The following NCOA1 variants were observed in gnomAD, a reference collection of about 807,000 sequenced individuals.
NCOA1 encodes the protein nuclear receptor coactivator 1.
Under a neutral mutation model 150.9 loss-of-function variants are expected in NCOA1, and 35 were observed. The ratio of observed to expected loss-of-function variants is 0.23; its 90% CI spans 0.18 to 0.31. NCOA1 has a LOEUF of 0.31. NCOA1 is among the 10% of genes least tolerant of loss of function. The probability of loss-of-function intolerance (pLI) is 1.00; values close to 1 mark genes in which losing one functional copy is unlikely to be tolerated. For synonymous variants in NCOA1, 590 were observed against 630.0 expected (o/e 0.94, Z 0.95); for missense variants, 1,491 against 1,749.3 (o/e 0.85, Z 2.63).
intron 2 of NCOA1, among the ~76,000 whole-genome samples, chr2:24,568,967 A>G (rs901034447): frequency 6.6e-6 from 1 of 152,192 alleles, no homozygotes; most frequent in African/African-American, 2.4e-5. Flanking sequence ...TTAAGCCATT[A>G]TAGCCTAGAA....
At chr2:24,679,140 C>G (rs1672049999) in intron 7 of NCOA1, among the ~76,000 whole-genome samples, 1 of 152,172 alleles carries the variant, frequency 6.6e-6, no homozygotes, top group Non-Finnish European at 1.5e-5. Context: ...TGGTCTTCTT[C>G]AAAGGATGAC....
chr2:24,737,969 AT>A (rs1165482516), intron 17 of NCOA1, among the ~76,000 whole-genome samples: 1 of 152,214 alleles, frequency 6.6e-6, no homozygotes, highest in Non-Finnish European at 1.5e-5. Context: ...CAGTTTTGGT[AT>A]TTAAGAGTCT....
chr2:24,649,899 G>T (rs967514292), intron 4 of NCOA1, among the ~76,000 whole-genome samples: 4 of 152,022 alleles, frequency 2.6e-5, no homozygotes, highest in Non-Finnish European at 4.4e-5. Flanking sequence ...CATTTAGAGG[G>T]CAAGTTACCA....
chr2:24,645,617 C>T (rs1670435393), intron 4 of NCOA1, among the ~76,000 whole-genome samples: 1 of 152,030 alleles, frequency 6.6e-6, no homozygotes, highest in Admixed American at 6.5e-5. Context: ...GTTGAGTGCC[C>T]CATATCTGAA....
At chr2:24,722,889 C>G (rs868248951) in intron 14 of NCOA1, among the ~76,000 whole-genome samples, 3 of 147,346 alleles carry the variant, frequency 2.0e-5, no homozygotes, top group Non-Finnish European at 1.5e-5. Flanking sequence ...ACTTGGGGAG[C>G]TGAGACAGGA....
intron 1 of NCOA1, among the ~76,000 whole-genome samples, chr2:24,493,697 A>G (rs1189136367): frequency 6.6e-6 from 1 of 151,962 alleles, no homozygotes; most frequent in Admixed American, 6.6e-5. Context: ...TTCTGCGAAC[A>G]TTTGTTTTTG....
At chr2:24,571,705 A>G (rs72805227) in intron 2 of NCOA1, among the ~76,000 whole-genome samples, 6,584 of 152,182 alleles carry the variant, frequency 0.043, 240 homozygotes, top group East Asian at 0.2. Flanking sequence ...TTTATGTATA[A>G]TTTTGATTTT....
chr2:24,688,302 T>C (rs1672500991), intron 8 of NCOA1, among the ~76,000 whole-genome samples: 1 of 152,228 alleles, frequency 6.6e-6, no homozygotes, highest in African/African-American at 2.4e-5. Flanking sequence ...ATAGTAGTTC[T>C]GTTTAGCTCT....
intron 12 of NCOA1, 44 bp downstream of exon 12, chr2:24,705,277 C>T (rs1478420728): frequency 1.1e-5 from 18 of 1,584,328 alleles, no homozygotes; most frequent in South Asian, 4.5e-5. Context: ...AGCCAGTTCA[C>T]ATATCTCTTA....
chr2:24,617,872 TACACACAC>T (rs1384855934), intron 3 of NCOA1, among the ~76,000 whole-genome samples: 3 of 151,972 alleles, frequency 2.0e-5, no homozygotes, highest in South Asian at 4.2e-4. Context: ...AACTGTGATA[TACACACAC>T]ACGCACACAC....
chr2:24,744,808 T>C (rs1165578742), intron 19 of NCOA1, among the ~76,000 whole-genome samples: 1 of 152,242 alleles, frequency 6.6e-6, no homozygotes, highest in East Asian at 1.9e-4. Flanking sequence ...CTTTATGTAT[T>C]ATCTATGGCT....
intron 8 of NCOA1, among the ~76,000 whole-genome samples, chr2:24,688,472 G>T (rs1184736766): frequency 6.6e-6 from 1 of 152,146 alleles, no homozygotes; most frequent in Non-Finnish European, 1.5e-5. Flanking sequence ...GTATCTCATT[G>T]TGGTTTTGAT....
intron 11 of NCOA1, among the ~76,000 whole-genome samples, chr2:24,698,168 C>A (rs1232483565): frequency 6.6e-6 from 1 of 151,844 alleles, no homozygotes; most frequent in Non-Finnish European, 1.5e-5. Context: ...ATACGACAAC[C>A]CTAAAGATCA....
At chr2:24,597,474 T>C (rs552323967) in intron 3 of NCOA1, among the ~76,000 whole-genome samples, 1 of 150,940 alleles carries the variant, frequency 6.6e-6, no homozygotes, top group East Asian at 2.0e-4. Context: ...CCATAATCAA[T>C]GGGAGTATTG....
intron 1 of NCOA1, among the ~76,000 whole-genome samples, chr2:24,537,710 T>C (rs1198634444): frequency 6.6e-6 from 1 of 152,108 alleles, no homozygotes. Flanking sequence ...TTAGGGGTTT[T>C]TGTTAAATAA....
intron 1 of NCOA1, among the ~76,000 whole-genome samples, chr2:24,558,521 A>T (rs553995164): frequency 6.6e-6 from 1 of 152,280 alleles, no homozygotes; most frequent in Non-Finnish European, 1.5e-5. Context: ...AGACTTATTC[A>T]CTATCACGAG....
At chr2:24,660,271 T>C (rs1187698310) in intron 5 of NCOA1, among the ~76,000 whole-genome samples, 1 of 152,116 alleles carries the variant, frequency 6.6e-6, no homozygotes, top group Non-Finnish European at 1.5e-5. Context: ...TTTGGGGAAA[T>C]TTTTTAAATA....
intron 4 of NCOA1, among the ~76,000 whole-genome samples, chr2:24,650,277 A>G (rs1301542667): frequency 6.6e-6 from 1 of 152,144 alleles, no homozygotes; most frequent in African/African-American, 2.4e-5. Context: ...ATTAGCTTCA[A>G]AATATCTAGT....
At chr2:24,726,551 C>T in intron 14 of NCOA1, 38 bp from the exon 15 acceptor site, 1 of 1,326,580 alleles carries the variant, frequency 7.5e-7, no homozygotes, top group East Asian at 2.3e-5. Context: ...TTATCCTCCA[C>T]TGAGATAATG....
Sources: gnomAD v4.1 joint callset for allele counts (sites outside exome capture counted in the v4.1 genomes callset) on GRCh38, gnomAD v4.1.1 for gene constraint, MANE v1.5 for transcripts, NCBI Gene and HGNC (gene_info 2026-07-23, HGNC 2026-07-21) for gene names.